Variants in TPD52L1 observed in about 807,000 individuals in gnomAD.
TPD52L1 encodes the protein TPD52 like 1, also known as tumor protein D53.
TPD52L1 carries 18 observed loss-of-function variants against 28.7 expected under a neutral mutation model. That is an observed-to-expected ratio of 0.63 (90% CI 0.43 to 0.93). The LOEUF (loss-of-function observed/expected upper bound fraction) is 0.93, where lower values mean the gene tolerates loss of function less well. Among genes scored for constraint, TPD52L1 ranks in the 40% least tolerant of loss-of-function variants. TPD52L1 has a pLI of 0.00. For synonymous variants in TPD52L1, 75 were observed against 88.8 expected (o/e 0.84, Z 0.88); for missense variants, 203 against 254.8 (o/e 0.80, Z 1.39).
chr6:125,215,384 T>C (rs986914926), intron 1 of TPD52L1, among the ~76,000 whole-genome samples: 29 of 152,244 alleles, frequency 1.9e-4, no homozygotes, highest in Non-Finnish European at 2.8e-4. Context: ...GAACATATTC[T>C]GCTAAAAATA....
intron 1 of TPD52L1, among the ~76,000 whole-genome samples, chr6:125,165,308 AT>A (rs1242685904): frequency 6.6e-6 from 1 of 152,100 alleles, no homozygotes; most frequent in East Asian, 1.9e-4. Context: ...ATTGAGAAGC[AT>A]TGTTAATGTA....
chr6:125,162,692 G>C (rs1790603244), intron 1 of TPD52L1, among the ~76,000 whole-genome samples: 1 of 152,050 alleles, frequency 6.6e-6, no homozygotes, highest in African/African-American at 2.4e-5. Context: ...CTCAATCTTG[G>C]TTTCTACATA....
intron 2 of TPD52L1, among the ~76,000 whole-genome samples, chr6:125,223,475 G>A (rs1335407073): frequency 3.9e-5 from 6 of 152,082 alleles, no homozygotes; most frequent in Non-Finnish European, 7.4e-5. Flanking sequence ...TTGGGAGGCC[G>A]AGGTGGGGGG....
chr6:125,262,439 G>C (rs1756560784), intron 6 of TPD52L1: 1 of 154,726 alleles, frequency 6.5e-6, no homozygotes, highest in Non-Finnish European at 1.4e-5. Context: ...TTTAGGTCAT[G>C]TAAGGATGTT....
At chr6:125,233,302 C>T (rs1038863758) in intron 3 of TPD52L1, among the ~76,000 whole-genome samples, 8 of 152,104 alleles carry the variant, frequency 5.3e-5, no homozygotes, top group African/African-American at 9.7e-5. Flanking sequence ...AAAAATTGAA[C>T]GTTAGTTTAT....
In TPD52L1 at chr6:125,165,093, T is replaced by A. The variant is rs530971672; in HGVS notation, c.19+11123T>A. Among the ~76,000 whole-genome samples the A allele has an allele frequency of 1.2e-4, 12 of 101,648 alleles. 1 individual carries two copies. The East Asian group carries it at 2.7e-3, about 23-fold the overall frequency. 66.7% of individuals were successfully genotyped at this position (101,648 alleles called of 152,430 possible). On this transcript the variant is annotated intron_variant, in intron 1 of 6. Coordinates refer to ENST00000534000, the MANE Select transcript of TPD52L1 (RefSeq NM_003287.4). The stretch of plus-strand genomic sequence containing the variant: ...CTGTCTCTTAAAAAAAAGATATATA[T>A]ATATATTTTAACTGTATATATATAG...
At chr6:125,163,163 G>A (rs1790632703) in intron 1 of TPD52L1, among the ~76,000 whole-genome samples, 1 of 152,142 alleles carries the variant, frequency 6.6e-6, no homozygotes, top group South Asian at 2.1e-4. Context: ...ACTAATGAGA[G>A]GACATATTTC....
chr6:125,192,271 T>C (rs1204446702), intron 1 of TPD52L1, among the ~76,000 whole-genome samples: 2 of 152,106 alleles, frequency 1.3e-5, no homozygotes, highest in East Asian at 3.9e-4. Context: ...TAAAGTTCTT[T>C]GGGTTCAATC....
intron 2 of TPD52L1, among the ~76,000 whole-genome samples, chr6:125,225,348 C>G (rs1461975242): frequency 6.6e-6 from 1 of 152,116 alleles, no homozygotes; most frequent in African/African-American, 2.4e-5. Context: ...GTTCTCAATT[C>G]TTTGGGGTAT....
At chr6:125,173,236 T>G (rs1465695192) in intron 1 of TPD52L1, among the ~76,000 whole-genome samples, 1 of 152,176 alleles carries the variant, frequency 6.6e-6, no homozygotes, top group African/African-American at 2.4e-5. Context: ...CCATTTTCCT[T>G]TCTCTCTTTT....
intron 3 of TPD52L1, among the ~76,000 whole-genome samples, chr6:125,230,331 T>C (rs563650080): frequency 7.2e-5 from 11 of 152,292 alleles, no homozygotes; most frequent in Non-Finnish European, 1.2e-4. Context: ...TTTTTGTGTA[T>C]TGGGGGTTAG....
At chr6:125,239,989 A>G (rs1285794906) in intron 3 of TPD52L1, among the ~76,000 whole-genome samples, 1 of 152,068 alleles carries the variant, frequency 6.6e-6, no homozygotes, top group East Asian at 1.9e-4. Context: ...ATTCATCTTG[A>G]GTTGATTTTT....
intron 1 of TPD52L1, among the ~76,000 whole-genome samples, chr6:125,177,324 T>C (rs984189444): frequency 1.3e-5 from 2 of 152,224 alleles, no homozygotes; most frequent in African/African-American, 4.8e-5. Context: ...CTCACCCATA[T>C]TGTTGACAGT....
intron 1 of TPD52L1, among the ~76,000 whole-genome samples, chr6:125,205,066 G>A (rs1794031304): frequency 6.6e-6 from 1 of 152,176 alleles, no homozygotes; most frequent in South Asian, 2.1e-4. Flanking sequence ...TTGTTCTGAG[G>A]AAGGAAAGAG....
At position 125,259,293 on chromosome 6, in the gene TPD52L1, G is replaced by A. The variant is rs543748726; in HGVS notation, c.486+2135G>A. 2.6e-4 allele frequency among the ~76,000 whole-genome samples: 40 copies of A among 152,208 alleles called. 1 individual carries two copies. In the South Asian group the frequency reaches 8.1e-3, roughly 31 times the overall value. On this transcript the variant is annotated intron_variant, in intron 6 of 6. Transcript: ENST00000534000. ...ATATTTATGTCCTGTGAGAAAATAA[G>A]GTTCTGCTATAAAGGTCCACTCCTG... is the stretch of plus-strand genomic sequence containing the variant.
chr6:125,242,949 A>G (rs936280536), intron 3 of TPD52L1, among the ~76,000 whole-genome samples: 1 of 152,070 alleles, frequency 6.6e-6, no homozygotes, highest in African/African-American at 2.4e-5. Context: ...TTTTGTTTCA[A>G]GATTTAGAAC....
At chr6:125,189,649 T>C (rs1792898601) in intron 1 of TPD52L1, among the ~76,000 whole-genome samples, 1 of 152,206 alleles carries the variant, frequency 6.6e-6, no homozygotes, top group Admixed American at 6.5e-5. Flanking sequence ...GTGGGTGTTG[T>C]CAAAAGAGAG....
intron 1 of TPD52L1, among the ~76,000 whole-genome samples, chr6:125,191,342 G>T (rs907367797): frequency 1.3e-5 from 2 of 152,152 alleles, no homozygotes; most frequent in African/African-American, 4.8e-5. Flanking sequence ...GTGTTTCTGT[G>T]AAAGGGGGCA....
intron 1 of TPD52L1, among the ~76,000 whole-genome samples, chr6:125,201,577 C>T (rs184528990): frequency 2.0e-5 from 3 of 152,300 alleles, no homozygotes; most frequent in Admixed American, 2.0e-4. Context: ...AGTGCAAAAG[C>T]CAACAATGTG....
Sources: allele counts gnomAD v4.1 joint callset (sites outside exome capture counted in the v4.1 genomes callset), GRCh38; gene constraint gnomAD v4.1.1; transcripts MANE v1.5; gene names NCBI Gene and HGNC (gene_info 2026-07-23, HGNC 2026-07-21).